Variants in ACOXL observed in about 807,000 individuals in gnomAD.
ACOXL encodes the protein acyl-coenzyme A oxidase-like protein.
ACOXL carries 70 observed loss-of-function variants against 71.9 expected under a neutral mutation model. The ratio of observed to expected loss-of-function variants is 0.97; its 90% CI spans 0.80 to 1.19. The LOEUF (loss-of-function observed/expected upper bound fraction) is 1.19. Ranked by LOEUF, ACOXL falls within the 50% of genes most tolerant of loss-of-function variation. ACOXL has a pLI of 0.00. For missense variants in ACOXL, 703 were observed against 736.3 expected, an observed-to-expected ratio of 0.95 and a Z score of 0.52; for synonymous variants, 253 against 281.6, an observed-to-expected ratio of 0.90 and a Z score of 1.02.
At chr2:111,117,536 T>C (rs1324195279) in intron 17 of ACOXL, 80 bp from the exon 18 acceptor site, 1 of 1,436,804 alleles carries the variant, frequency 7.0e-7, no homozygotes, top group African/African-American at 1.4e-5. Context: ...TGCGGGTGCT[T>C]GGTGGGCTGA....
At chr2:111,076,865 T>C (rs1275818735) in intron 16 of ACOXL, among the ~76,000 whole-genome samples, 4 of 152,318 alleles carry the variant, frequency 2.6e-5, no homozygotes, top group South Asian at 2.1e-4. Flanking sequence ...CAGGCTCTGG[T>C]TGCTTCTGGC....
At chr2:110,924,150 C>T (rs1201334295) in intron 11 of ACOXL, among the ~76,000 whole-genome samples, 1 of 152,146 alleles carries the variant, frequency 6.6e-6, no homozygotes, top group Non-Finnish European at 1.5e-5. Context: ...ATACATACGT[C>T]TGTTAAAAAT....
intron 11 of ACOXL, among the ~76,000 whole-genome samples, chr2:110,915,133 C>G (rs941388197): frequency 6.6e-6 from 1 of 150,760 alleles, no homozygotes; most frequent in Non-Finnish European, 1.5e-5. Flanking sequence ...TTGTTGATGC[C>G]CTTTATTAGA....
intron 9 of ACOXL, among the ~76,000 whole-genome samples, chr2:110,822,058 C>A (rs953978924): frequency 1.3e-5 from 2 of 151,610 alleles, no homozygotes; most frequent in African/African-American, 4.9e-5. Flanking sequence ...TGCCCTAGGC[C>A]CTTTTAATAA....
At chr2:110,832,061 A>C (rs944023772) in intron 9 of ACOXL, among the ~76,000 whole-genome samples, 13 of 152,214 alleles carry the variant, frequency 8.5e-5, no homozygotes, top group African/African-American at 3.1e-4. Flanking sequence ...TCCAGGTGAG[A>C]ATGGACACAC....
chr2:110,784,629 AT>A lies in ACOXL; in HGVS notation c.76-97del, dbSNP rs911688773. On this transcript the variant is annotated intron_variant, in intron 2 of 17. Coordinates refer to ENST00000439055, the MANE Select transcript of ACOXL (RefSeq NM_001142807.4). ...TTTAAAAACTGCTTTTACTGTGTTTATTTTTTATTATAAAAGTAACATGCAT... is the reference window on the plus strand; with the variant it reads ...TTTAAAAACTGCTTTTACTGTGTTTATTTTTATTATAAAAGTAACATGCAT... The A allele has an allele frequency of 7.0e-6, 6 of 858,328 alleles. No individual in the cohort carries two copies. The African/African-American group carries it at 7.1e-5, about 10-fold the overall frequency. The allele number at this position is 858,328 out of a possible 1,614,324, so 53.2% of individuals were successfully genotyped here. A position where few individuals can be genotyped will look rare whatever the true frequency, so the allele number is the denominator to read the frequency against.
At chr2:110,991,954 CG>C (rs1558837189) in intron 13 of ACOXL, among the ~76,000 whole-genome samples, 1 of 152,040 alleles carries the variant, frequency 6.6e-6, no homozygotes, top group East Asian at 1.9e-4. Context: ...AAGAATAGTA[CG>C]ACTCCCCACC....
At chr2:110,974,699 C>A (rs1404121034) in intron 12 of ACOXL, among the ~76,000 whole-genome samples, 2 of 152,236 alleles carry the variant, frequency 1.3e-5, no homozygotes, top group African/African-American at 4.8e-5. Context: ...CTCTTCCTGA[C>A]TGATCTGGCT....
chr2:110,759,965 A>G (rs944301069), intron 1 of ACOXL, among the ~76,000 whole-genome samples: 2 of 151,924 alleles, frequency 1.3e-5, no homozygotes, highest in African/African-American at 2.4e-5. Flanking sequence ...TTACTTTTGC[A>G]AGTGGGATCT....
chr2:111,007,166 C>G (rs2063916736), intron 14 of ACOXL, among the ~76,000 whole-genome samples: 1 of 152,162 alleles, frequency 6.6e-6, no homozygotes, highest in South Asian at 2.1e-4. Context: ...TACAGATAGG[C>G]AACCTAGGAT....
rs1558865118 is a variant in ACOXL, at chr2:111,011,162, T to C, written c.1281+15158T>C. 2.0e-5 allele frequency among the ~76,000 whole-genome samples: 3 copies of C among 152,212 alleles called. No individual in the cohort carries two copies. The East Asian group carries it at 5.8e-4, about 29-fold the overall frequency. ...TGGCAAAAATAATGTAAAAGATAGG[T>C]TGTAGTGTAAATGGAATTATGCTAT... On this transcript the variant is annotated intron_variant, in intron 14 of 17. Transcript: ENST00000439055.
chr2:110,741,453 G>A (rs1388131078), intron 1 of ACOXL, among the ~76,000 whole-genome samples: 2 of 152,170 alleles, frequency 1.3e-5, no homozygotes, highest in African/African-American at 4.8e-5. Flanking sequence ...AAGGACACCA[G>A]TCAATATCTG....
At chr2:110,801,439 C>G (rs1163991272) in intron 7 of ACOXL, among the ~76,000 whole-genome samples, 2 of 152,168 alleles carry the variant, frequency 1.3e-5, no homozygotes, top group African/African-American at 2.4e-5. Context: ...CCTCCACTCT[C>G]GCTAAGGAGG....
At chr2:110,836,695 T>C (rs1441979436) in intron 9 of ACOXL, among the ~76,000 whole-genome samples, 1 of 152,242 alleles carries the variant, frequency 6.6e-6, no homozygotes, top group Non-Finnish European at 1.5e-5. Flanking sequence ...CAATTTCTTT[T>C]AGTGTTTGTT....
At chr2:110,888,709 C>G (rs1445596646) in intron 10 of ACOXL, among the ~76,000 whole-genome samples, 1 of 152,192 alleles carries the variant, frequency 6.6e-6, no homozygotes, top group Non-Finnish European at 1.5e-5. Flanking sequence ...ATTACTTGGG[C>G]TGGTGATTAT....
intron 12 of ACOXL, among the ~76,000 whole-genome samples, chr2:110,945,362 C>CTTTTTTTTTTTTTTTTTTTTTTTT (rs35191683): frequency 7.5e-6 from 1 of 133,284 alleles, no homozygotes. Flanking sequence ...CATTTGTCAA[C>CTTTTTTTTTTTTTTTTTTTTTTTT]TTTTTTTTTT....
At chr2:110,978,837 C>T (rs1272669301) in intron 12 of ACOXL, among the ~76,000 whole-genome samples, 1 of 152,118 alleles carries the variant, frequency 6.6e-6, no homozygotes, top group Admixed American at 6.5e-5. Context: ...ACATTCTGCC[C>T]ATTGCCATTT....
intron 10 of ACOXL, among the ~76,000 whole-genome samples, chr2:110,905,272 C>T (rs1217641716): frequency 6.6e-6 from 1 of 152,050 alleles, no homozygotes; most frequent in Non-Finnish European, 1.5e-5. Context: ...GGCTGAGCCA[C>T]CAAAAATGAG....
At chr2:111,020,563 G>A (rs1450324408) in intron 14 of ACOXL, among the ~76,000 whole-genome samples, 2 of 152,198 alleles carry the variant, frequency 1.3e-5, no homozygotes, top group Non-Finnish European at 2.9e-5. Flanking sequence ...AGGATAGCGG[G>A]AAGCCGTGTG....
Sources: allele counts gnomAD v4.1 joint callset (sites outside exome capture counted in the v4.1 genomes callset), GRCh38; gene constraint gnomAD v4.1.1; transcripts MANE v1.5; gene names NCBI Gene and HGNC (gene_info 2026-07-23, HGNC 2026-07-21).